The following ERBB4 variants were observed in gnomAD, a reference collection of about 807,000 sequenced individuals.
ERBB4 encodes the protein erb-b2 receptor tyrosine kinase 4, also known as receptor tyrosine-protein kinase erbB-4.
ERBB4 carries 42 observed loss-of-function variants against 158.0 expected under a neutral mutation model. The observed-to-expected ratio is 0.27, with a 90% CI of 0.21 to 0.34. The LOEUF (loss-of-function observed/expected upper bound fraction) is 0.34. ERBB4 is among the 10% of genes least tolerant of loss of function. The probability of loss-of-function intolerance (pLI) is 1.00; values close to 1 mark genes in which losing one functional copy is unlikely to be tolerated. For missense variants in ERBB4, 1,333 were observed against 1,624.1 expected (o/e 0.82, Z 3.08); for synonymous variants, 583 against 558.7 (o/e 1.04, Z -0.61).
At chr2:212,257,743 T>C (rs972067309) in intron 1 of ERBB4, among the ~76,000 whole-genome samples, 1 of 152,188 alleles carries the variant, frequency 6.6e-6, no homozygotes, top group Non-Finnish European at 1.5e-5. Context: ...CAAACTTCTT[T>C]GCACTTTGTA....
intron 3 of ERBB4, among the ~76,000 whole-genome samples, chr2:211,878,306 G>GA (rs531330794): frequency 6.6e-6 from 1 of 151,602 alleles, no homozygotes; most frequent in Non-Finnish European, 1.5e-5. Flanking sequence ...AACAACTAAA[G>GA]AAAAAAAATT....
intron 2 of ERBB4, among the ~76,000 whole-genome samples, chr2:211,971,923 C>A (rs2081464988): frequency 6.6e-6 from 1 of 152,038 alleles, no homozygotes; most frequent in African/African-American, 2.4e-5. Context: ...CTAGCCAGGG[C>A]AATCAGGCAA....
At chr2:211,601,544 C>T (rs2068800927) in intron 19 of ERBB4, among the ~76,000 whole-genome samples, 1 of 150,796 alleles carries the variant, frequency 6.6e-6, no homozygotes, top group Non-Finnish European at 1.5e-5. Context: ...AAATACCAGA[C>T]AGGAGAAAAG....
intron 2 of ERBB4, among the ~76,000 whole-genome samples, chr2:212,028,488 T>A (rs772121897): frequency 1.1e-4 from 16 of 152,098 alleles, no homozygotes; most frequent in Non-Finnish European, 1.9e-4. Context: ...AATGACGCAA[T>A]GGAAATTGGA....
At chr2:211,866,355 G>A (rs2078205746) in intron 3 of ERBB4, among the ~76,000 whole-genome samples, 1 of 151,900 alleles carries the variant, frequency 6.6e-6, no homozygotes, top group African/African-American at 2.4e-5. Context: ...TTCTTTGGAT[G>A]TTTTCCTATT....
At chr2:211,872,824 A>G (rs1386410117) in intron 3 of ERBB4, among the ~76,000 whole-genome samples, 1 of 151,938 alleles carries the variant, frequency 6.6e-6, no homozygotes, top group Admixed American at 6.6e-5. Context: ...AAGTGATATT[A>G]TATGTCTGTT....
chr2:212,315,387 A>G (rs1438036765), intron 1 of ERBB4, among the ~76,000 whole-genome samples: 1 of 151,426 alleles, frequency 6.6e-6, no homozygotes, highest in Non-Finnish European at 1.5e-5. Context: ...TAAGATACAC[A>G]TAGACACACA....
At chr2:211,842,390 C>A (rs2077490370) in intron 3 of ERBB4, among the ~76,000 whole-genome samples, 1 of 145,178 alleles carries the variant, frequency 6.9e-6, no homozygotes, top group Non-Finnish European at 1.5e-5. Flanking sequence ...TGTAAACACA[C>A]AAGGTAACAA....
intron 2 of ERBB4, among the ~76,000 whole-genome samples, chr2:212,120,425 G>C (rs537822360): frequency 1.1e-4 from 17 of 152,208 alleles, no homozygotes; most frequent in Non-Finnish European, 1.6e-4. Flanking sequence ...TGAAATTGGG[G>C]TCTATAATTT....
chr2:211,988,167 AATG>A (rs2081984477), intron 2 of ERBB4, among the ~76,000 whole-genome samples: 2 of 152,166 alleles, frequency 1.3e-5, no homozygotes, highest in Non-Finnish European at 2.9e-5. Context: ...ACTATTAATT[AATG>A]TCAGTTAGCT....
chr2:212,359,658 C>T (rs2089608980), intron 1 of ERBB4, among the ~76,000 whole-genome samples: 1 of 151,686 alleles, frequency 6.6e-6, no homozygotes, highest in African/African-American at 2.4e-5. Context: ...GTCTGGGAAA[C>T]CTCAGGGGCA....
At position 211,772,916 on chromosome 2, in the gene ERBB4, C is replaced by CATATATATAT. The variant is rs777305120; in HGVS notation, c.556+15108_556+15109insATATATATAT. 1.9e-4 allele frequency among the ~76,000 whole-genome samples: 12 copies of CATATATATAT among 63,262 alleles called. 1 individual carries two copies. Among genetic ancestry groups the CATATATATAT allele is most frequent in the East Asian group, 1.2e-3 (2 of 1,684 alleles). 41.5% of individuals were successfully genotyped at this position (63,262 alleles called of 152,430 possible). A position where few individuals can be genotyped will look rare whatever the true frequency, so the allele number is the denominator to read the frequency against. On this transcript the variant is annotated intron_variant, in intron 4 of 27. Transcript: ENST00000342788. ...ACACACACATATATATATACACACA[C>CATATATATAT]ACACACACATATATATATATATATA...
Position 211,503,691 on chromosome 2 carries a change from C to T in ERBB4, c.2487+58212G>A, listed in dbSNP as rs533868997. Among the ~76,000 whole-genome samples, 3 of 152,274 alleles carry T rather than the reference C, an allele frequency of 2.0e-5. 1 individual carries two copies. In the South Asian group the frequency reaches 6.2e-4, roughly 32 times the overall value. Reference sequence around the variant, plus strand: ...GGGCTGGATGCTGGAAGGAGATCCACTTGCTGGCAGGTATGGAAGCTGGGT... The same window carrying T: ...GGGCTGGATGCTGGAAGGAGATCCATTTGCTGGCAGGTATGGAAGCTGGGT... On this transcript the variant is annotated intron_variant, in intron 20 of 27. Transcript: ENST00000342788.
At chr2:212,464,474 T>G (rs924497766) in intron 1 of ERBB4, among the ~76,000 whole-genome samples, 1 of 152,126 alleles carries the variant, frequency 6.6e-6, no homozygotes, top group Non-Finnish European at 1.5e-5. Flanking sequence ...ATAGCAATTA[T>G]GAAATTAATA....
chr2:212,328,136 G>A (rs1403523141), intron 1 of ERBB4, among the ~76,000 whole-genome samples: 2 of 151,938 alleles, frequency 1.3e-5, no homozygotes, highest in Admixed American at 1.3e-4. Context: ...TGGCAGATGG[G>A]TTGGTTTGAT....
chr2:212,141,005 A>C (rs1239746408), intron 1 of ERBB4, among the ~76,000 whole-genome samples: 1 of 151,694 alleles, frequency 6.6e-6, no homozygotes, highest in Non-Finnish European at 1.5e-5. Context: ...CTAATTATTT[A>C]TCTCTTCTGA....
intron 25 of ERBB4, among the ~76,000 whole-genome samples, chr2:211,409,725 G>C (rs186843093): frequency 2.6e-5 from 4 of 152,138 alleles, no homozygotes; most frequent in South Asian, 2.1e-4. Context: ...GACCAGGGGT[G>C]GGGGGAACCA....
rs2106170184 is a variant in ERBB4, at chr2:212,483,734, T to C, written c.82+54715A>G. 1.3e-5 allele frequency among the ~76,000 whole-genome samples: 2 copies of C among 150,944 alleles called. 1 individual carries two copies. Among genetic ancestry groups the C allele is most frequent in the Non-Finnish European group, 2.9e-5 (2 of 67,968 alleles). ...ATTTCAAAAGCATAGAATCTAATCT[T>C]GTCATCATGGTCTTTTTTTTGAGAC... On this transcript the variant is annotated intron_variant, in intron 1 of 27. Transcript: ENST00000342788.
At position 211,632,556 on chromosome 2, in the gene ERBB4, A is replaced by C. The variant is rs145444040; in HGVS notation, c.1947-1962T>G. ...AATAGGTGGTATACATATTTATGTA[A>C]ATATATGTAAACGTCAATGTCACTG... is the stretch of plus-strand genomic sequence containing the variant. On this transcript the variant is annotated intron_variant, in intron 16 of 27. Transcript: ENST00000342788. Among the ~76,000 whole-genome samples, 1,296 of 152,200 alleles carry C rather than the reference A, an allele frequency of 8.5e-3. 9 individuals carry two copies. Among genetic ancestry groups the C allele is most frequent in the Middle Eastern group, 0.014 (4 of 292 alleles).
Sources: allele counts gnomAD v4.1 joint callset (sites outside exome capture counted in the v4.1 genomes callset), GRCh38; gene constraint gnomAD v4.1.1; transcripts MANE v1.5; gene names NCBI Gene and HGNC (gene_info 2026-07-23, HGNC 2026-07-21).